Variants in TRDN observed in about 807,000 individuals in gnomAD.
TRDN encodes the protein triadin, also known as triadin in skeletal muscle.
Under a neutral mutation model 149.7 loss-of-function variants are expected in TRDN, and 161 were observed. That is an observed-to-expected ratio of 1.08 (90% CI 0.95 to 1.23). The LOEUF (loss-of-function observed/expected upper bound fraction) is 1.23, where lower values mean the gene tolerates loss of function less well. Ranked by LOEUF, TRDN falls within the 50% of genes most tolerant of loss-of-function variation. The pLI is 0.00. For missense variants in TRDN, 896 were observed against 823.5 expected (o/e 1.09, Z -1.08); for synonymous variants, 294 against 250.5 (o/e 1.17, Z -1.64).
chr6:123,493,804 C>T (rs183285508), intron 9 of TRDN, among the ~76,000 whole-genome samples: 18 of 152,292 alleles, frequency 1.2e-4, no homozygotes, highest in African/African-American at 3.8e-4. Flanking sequence ...TCACCACTTA[C>T]ATTGTCTCTA....
At chr6:123,255,933 TA>T (rs749769354) in intron 35 of TRDN, 31 bp from the exon 36 acceptor site, 9 of 1,185,388 alleles carry the variant, frequency 7.6e-6, no homozygotes, top group East Asian at 3.3e-5. Context: ...CAGGGTAATT[TA>T]TTTTTTTATT....
Position 123,458,928 on chromosome 6 carries a change from A to G in TRDN, c.931+5978T>C, listed in dbSNP as rs529523740. ...TTTCCTTAACATACAGAATTTTTGG[A>G]TCCTTTGATATATGTGTGTGTGCAT... On this transcript the variant is annotated intron_variant, in intron 10 of 40. Transcript: ENST00000334268. 6.1e-5 allele frequency among the ~76,000 whole-genome samples: 9 copies of G among 146,840 alleles called. 1 individual carries two copies. In the South Asian group the frequency reaches 1.6e-3, roughly 27 times the overall value.
intron 19 of TRDN, among the ~76,000 whole-genome samples, chr6:123,367,048 C>CA (rs1271445881): frequency 6.6e-6 from 1 of 152,034 alleles, no homozygotes; most frequent in African/African-American, 2.4e-5. Flanking sequence ...AATAAAATGA[C>CA]AAAAAGTGGC....
intron 38 of TRDN, among the ~76,000 whole-genome samples, chr6:123,250,285 T>C (rs2114566092): frequency 6.6e-6 from 1 of 152,082 alleles, no homozygotes; most frequent in East Asian, 1.9e-4. Context: ...AGAGTGGAGT[T>C]AGGGGAAGAG....
intron 5 of TRDN, among the ~76,000 whole-genome samples, chr6:123,527,699 T>G (rs1240587522): frequency 2.0e-5 from 3 of 151,692 alleles, no homozygotes; most frequent in East Asian, 1.9e-4. Flanking sequence ...TGGTTGGAAG[T>G]TTTTTCTAAG....
chr6:123,497,773 A>C (rs953633188), intron 8 of TRDN, among the ~76,000 whole-genome samples: 3 of 152,174 alleles, frequency 2.0e-5, no homozygotes, highest in African/African-American at 4.8e-5. Context: ...GTGGCCTCTG[A>C]ATAAAAATGC....
At chr6:123,467,108 C>G (rs974190154) in intron 9 of TRDN, among the ~76,000 whole-genome samples, 4 of 151,874 alleles carry the variant, frequency 2.6e-5, no homozygotes, top group African/African-American at 9.7e-5. Flanking sequence ...AAACCCCAAC[C>G]CTGCCTTCAA....
intron 4 of TRDN, among the ~76,000 whole-genome samples, chr6:123,541,739 C>T (rs1780846683): frequency 6.6e-6 from 1 of 152,136 alleles, no homozygotes; most frequent in Admixed American, 6.5e-5. Context: ...AACCAATATT[C>T]TGAGGCTATG....
chr6:123,631,463 TTATAA>T (rs1414702513), intron 1 of TRDN, among the ~76,000 whole-genome samples: 2 of 152,060 alleles, frequency 1.3e-5, no homozygotes, highest in Admixed American at 1.3e-4. Context: ...GATTCCCATA[TTATAA>T]TAGATATTAA....
chr6:123,412,621 T>C (rs1773488837), intron 12 of TRDN, among the ~76,000 whole-genome samples: 1 of 152,340 alleles, frequency 6.6e-6, no homozygotes, highest in Admixed American at 6.5e-5. Context: ...TCTCTTAATG[T>C]TCTGTAAGCA....
chr6:123,504,701 C>A (rs997647846), intron 7 of TRDN, among the ~76,000 whole-genome samples: 2 of 151,860 alleles, frequency 1.3e-5, no homozygotes, highest in Non-Finnish European at 2.9e-5. Flanking sequence ...TGATATTATC[C>A]GTATTTTGGA....
chr6:123,551,111 A>G (rs903492491), intron 2 of TRDN, among the ~76,000 whole-genome samples: 9 of 150,858 alleles, frequency 6.0e-5, no homozygotes, highest in Admixed American at 4.0e-4. Context: ...CCTTCTTTCT[A>G]AGTGTTAACT....
intron 27 of TRDN, 147 bp from the exon 28 acceptor site, chr6:123,273,510 G>A (rs971900126): frequency 9.3e-6 from 3 of 322,100 alleles, no homozygotes; most frequent in Non-Finnish European, 1.0e-5. Flanking sequence ...AGTAAAACTG[G>A]CAAAAATACA....
intron 22 of TRDN, among the ~76,000 whole-genome samples, chr6:123,336,275 C>T (rs1056585062): frequency 6.6e-5 from 10 of 151,970 alleles, no homozygotes; most frequent in African/African-American, 2.2e-4. Context: ...CTTACCTTTC[C>T]CTATTACCCA....
intron 38 of TRDN, among the ~76,000 whole-genome samples, chr6:123,239,056 G>T (rs922725883): frequency 6.6e-6 from 1 of 152,114 alleles, no homozygotes; most frequent in Non-Finnish European, 1.5e-5. Context: ...GGCCAGGATG[G>T]TCTTGATCTC....
chr6:123,479,826 A>G (rs1370266181), intron 9 of TRDN, among the ~76,000 whole-genome samples: 1 of 152,224 alleles, frequency 6.6e-6, no homozygotes, highest in East Asian at 1.9e-4. Flanking sequence ...TCTAGTTTAT[A>G]TAATTTTAGA....
At chr6:123,491,438 G>C (rs1252543696) in intron 9 of TRDN, among the ~76,000 whole-genome samples, 4 of 151,916 alleles carry the variant, frequency 2.6e-5, no homozygotes, top group Non-Finnish European at 4.4e-5. Flanking sequence ...TGAAAACAGG[G>C]AATATAAGAT....
intron 20 of TRDN, among the ~76,000 whole-genome samples, chr6:123,353,094 A>G (rs1025382052): frequency 1.3e-5 from 2 of 151,852 alleles, no homozygotes; most frequent in Non-Finnish European, 2.9e-5. Flanking sequence ...CCCTTTCTCT[A>G]AGATGTTTTG....
intron 2 of TRDN, among the ~76,000 whole-genome samples, chr6:123,561,179 A>T (rs534138185): frequency 1.3e-5 from 2 of 152,204 alleles, no homozygotes; most frequent in African/African-American, 4.8e-5. Flanking sequence ...TGGCCTTCCC[A>T]TATCTATACA....
Sources: gnomAD v4.1 joint callset for allele counts (sites outside exome capture counted in the v4.1 genomes callset) on GRCh38, gnomAD v4.1.1 for gene constraint, MANE v1.5 for transcripts, NCBI Gene and HGNC (gene_info 2026-07-23, HGNC 2026-07-21) for gene names.